NRCAM: variants seen among roughly 807,000 people sequenced by gnomAD.
NRCAM encodes neuronal cell adhesion molecule, also known as NgCAM-related cell adhesion molecule.
In NRCAM, 83 loss-of-function variants were observed where a neutral mutation model predicts 156.5. The observed-to-expected ratio is 0.53, with a 90% CI of 0.44 to 0.64. NRCAM has a LOEUF of 0.64. NRCAM is among the 30% of genes least tolerant of loss of function. The pLI, the probability that NRCAM is intolerant of heterozygous loss-of-function variation, is 0.00. For synonymous variants in NRCAM, 538 were observed against 563.9 expected, an observed-to-expected ratio of 0.95 and a Z score of 0.65; for missense variants, 1,417 against 1,597.3, an observed-to-expected ratio of 0.89 and a Z score of 1.92.
At chr7:108,281,898 G>A (rs1281063936) in intron 3 of NRCAM, among the ~76,000 whole-genome samples, 1 of 152,206 alleles carries the variant, frequency 6.6e-6, no homozygotes, top group African/African-American at 2.4e-5. Flanking sequence ...AAACACAATT[G>A]GGTGAAGTAA....
At chr7:108,315,412 G>A (rs2098898263) in intron 2 of NRCAM, among the ~76,000 whole-genome samples, 1 of 152,136 alleles carries the variant, frequency 6.6e-6, no homozygotes, top group Non-Finnish European at 1.5e-5. Flanking sequence ...CTGTCATCCA[G>A]CCGCTAATTC....
At chr7:108,243,628 A>C (rs1400265455) in intron 3 of NRCAM, among the ~76,000 whole-genome samples, 3 of 152,238 alleles carry the variant, frequency 2.0e-5, no homozygotes, top group African/African-American at 7.2e-5. Flanking sequence ...TATAGCTTAC[A>C]ATGTACAAAA....
At chr7:108,366,249 A>G (rs1403784329) in intron 2 of NRCAM, among the ~76,000 whole-genome samples, 1 of 152,214 alleles carries the variant, frequency 6.6e-6, no homozygotes, top group Non-Finnish European at 1.5e-5. Flanking sequence ...GCACAAAAAG[A>G]CCAATATAGG....
At chr7:108,379,574 T>A (rs1449683082) in intron 2 of NRCAM, among the ~76,000 whole-genome samples, 2 of 152,184 alleles carry the variant, frequency 1.3e-5, no homozygotes, top group Admixed American at 1.3e-4. Context: ...CTGACGGGTG[T>A]ACTTAAAAAG....
At chr7:108,247,456 T>C (rs983587831) in intron 3 of NRCAM, among the ~76,000 whole-genome samples, 1 of 152,178 alleles carries the variant, frequency 6.6e-6, no homozygotes, top group Non-Finnish European at 1.5e-5. Context: ...TACTTCTCTA[T>C]ATATATGTTG....
intron 1 of NRCAM, among the ~76,000 whole-genome samples, chr7:108,437,135 G>C (rs983745753): frequency 6.6e-6 from 1 of 152,134 alleles, no homozygotes; most frequent in Non-Finnish European, 1.5e-5. Flanking sequence ...TGGAACTGAA[G>C]GTCATTATGT....
intron 3 of NRCAM, among the ~76,000 whole-genome samples, chr7:108,247,938 GA>G (rs900377359): frequency 1.3e-5 from 2 of 152,168 alleles, no homozygotes; most frequent in Admixed American, 1.3e-4. Flanking sequence ...TTAGAAAACA[GA>G]AACAAAGTTC....
intron 1 of NRCAM, among the ~76,000 whole-genome samples, chr7:108,441,316 T>C (rs1358992205): frequency 1.3e-5 from 2 of 152,218 alleles, no homozygotes; most frequent in African/African-American, 4.8e-5. Context: ...TTAGGGTCAT[T>C]TGCTTTTTGC....
chr7:108,151,733 T>C (rs1446287679), intron 32 of NRCAM, among the ~76,000 whole-genome samples: 1 of 152,222 alleles, frequency 6.6e-6, no homozygotes, highest in East Asian at 1.9e-4. Flanking sequence ...TAACCTGTTA[T>C]GAAAATAGCC....
intron 2 of NRCAM, among the ~76,000 whole-genome samples, chr7:108,382,279 T>C (rs1210721356): frequency 1.3e-5 from 2 of 151,782 alleles, no homozygotes; most frequent in Non-Finnish European, 2.9e-5. Context: ...AAGGTAGAGT[T>C]TGGTAGCATT....
At chr7:108,277,175 C>T (rs1248939072) in intron 3 of NRCAM, among the ~76,000 whole-genome samples, 1 of 152,112 alleles carries the variant, frequency 6.6e-6, no homozygotes, top group African/African-American at 2.4e-5. Context: ...ACATTTTTTC[C>T]TTCATTTCAA....
At chr7:108,204,668 G>A (rs1462772634) in intron 13 of NRCAM, among the ~76,000 whole-genome samples, 1 of 152,198 alleles carries the variant, frequency 6.6e-6, no homozygotes, top group Non-Finnish European at 1.5e-5. Context: ...CCACTAGAGT[G>A]ACTGCTCTGA....
chr7:108,364,899 T>G (rs1317223406), intron 2 of NRCAM, among the ~76,000 whole-genome samples: 8 of 152,140 alleles, frequency 5.3e-5, no homozygotes, highest in Admixed American at 5.2e-4. Flanking sequence ...CGAAAGAGTT[T>G]TGAAGTCAGA....
intron 3 of NRCAM, among the ~76,000 whole-genome samples, chr7:108,254,960 T>C (rs1590194862): frequency 1.3e-5 from 2 of 152,190 alleles, no homozygotes; most frequent in East Asian, 3.8e-4. Flanking sequence ...TACGCAAATG[T>C]ATATAGCAGC....
At chr7:108,399,313 A>G (rs1055447777) in intron 2 of NRCAM, 123 bp downstream of exon 2, 4 of 152,308 alleles carry the variant, frequency 2.6e-5, no homozygotes, top group African/African-American at 4.8e-5. Context: ...GAAACTATCA[A>G]TTGTTTATAA....
intron 24 of NRCAM, 142 bp downstream of exon 24, chr7:108,181,680 G>A: frequency 2.2e-6 from 1 of 449,960 alleles, no homozygotes; most frequent in Non-Finnish European, 4.0e-6. Context: ...GCTACCTGAG[G>A]CAATGAGCGA....
chr7:108,451,725 C>A (rs1283279775), intron 1 of NRCAM, among the ~76,000 whole-genome samples: 1 of 152,130 alleles, frequency 6.6e-6, no homozygotes, highest in African/African-American at 2.4e-5. Context: ...TGATTCCACT[C>A]ATATGAGGTA....
At chr7:108,320,273 G>A (rs113663255) in intron 2 of NRCAM, among the ~76,000 whole-genome samples, 3 of 152,068 alleles carry the variant, frequency 2.0e-5, no homozygotes, top group African/African-American at 7.2e-5. Context: ...GCAACACAGG[G>A]AGACCCTGTC....
chr7:108,162,784 T>C (rs2050042970), intron 30 of NRCAM, among the ~76,000 whole-genome samples: 1 of 152,340 alleles, frequency 6.6e-6, no homozygotes, highest in Admixed American at 6.5e-5. Flanking sequence ...GGTGCATGTG[T>C]GCACACACAC....
Sources: allele counts gnomAD v4.1 joint callset (sites outside exome capture counted in the v4.1 genomes callset), GRCh38; gene constraint gnomAD v4.1.1; transcripts MANE v1.5; gene names NCBI Gene and HGNC (gene_info 2026-07-23, HGNC 2026-07-21).